PTPRM: variants seen among roughly 807,000 people sequenced by gnomAD.
PTPRM encodes protein tyrosine phosphatase receptor type M.
Under a neutral mutation model 186.7 loss-of-function variants are expected in PTPRM, and 47 were observed. The observed-to-expected ratio is 0.25, with a 90% CI of 0.20 to 0.32. The LOEUF is 0.32. PTPRM is among the 10% of genes least tolerant of loss of function. The probability of loss-of-function intolerance (pLI) is 1.00; values close to 1 mark genes in which losing one functional copy is unlikely to be tolerated. For synonymous variants in PTPRM, 668 were observed against 674.9 expected (o/e 0.99, Z 0.16); for missense variants, 1,494 against 1,865.0 (o/e 0.80, Z 3.66).
intron 1 of PTPRM, among the ~76,000 whole-genome samples, chr18:7,765,417 A>G (rs910685761): frequency 1.3e-5 from 2 of 152,222 alleles, no homozygotes; most frequent in Non-Finnish European, 2.9e-5. Flanking sequence ...TGTCTGATTC[A>G]CTAAACATCA....
At chr18:8,300,057 G>A (rs553257731) in intron 20 of PTPRM, among the ~76,000 whole-genome samples, 1 of 152,228 alleles carries the variant, frequency 6.6e-6, no homozygotes, top group South Asian at 2.1e-4. Context: ...TGTCAGAGGC[G>A]GGATGGGTTT....
intron 1 of PTPRM, among the ~76,000 whole-genome samples, chr18:7,633,055 G>A (rs908809381): frequency 6.6e-6 from 1 of 152,086 alleles, no homozygotes. Flanking sequence ...GCAGAAAAAC[G>A]GTAGAGCAAC....
intron 2 of PTPRM, among the ~76,000 whole-genome samples, chr18:7,832,091 A>T (rs2045790551): frequency 6.6e-6 from 1 of 152,278 alleles, no homozygotes; most frequent in Non-Finnish European, 1.5e-5. Flanking sequence ...CAAACATGGG[A>T]GTGCAGCTAT....
chr18:8,240,814 GAGAGAGAGAGAGAAAGAA>G lies in PTPRM; in HGVS notation c.2301-3240_2301-3223del, dbSNP rs1487092027. On this transcript the variant is annotated intron_variant, in intron 14 of 32. Coordinates refer to ENST00000580170, the MANE Select transcript of PTPRM (RefSeq NM_001105244.2). ...AGAGAGAGAGAGAGAGAGAGAGAGA[GAGAGAGAGAGAGAAAGAA>G]AGAAAGAAAGAAAAGAAAGAAAGAA... is the stretch of plus-strand genomic sequence containing the variant. Among the ~76,000 whole-genome samples, 77 of 39,828 alleles carry G rather than the reference GAGAGAGAGAGAGAAAGAA, an allele frequency of 1.9e-3. 1 individual carries two copies. Among genetic ancestry groups the G allele is most frequent in the African/African-American group, 4.3e-3 (30 of 6,906 alleles). The allele number at this position is 39,828 out of a possible 152,430, so 26.1% of individuals were successfully genotyped here. A position where few individuals can be genotyped will look rare whatever the true frequency, so the allele number is the denominator to read the frequency against.
intron 2 of PTPRM, among the ~76,000 whole-genome samples, chr18:7,855,905 G>A (rs2145986081): frequency 6.6e-6 from 1 of 152,324 alleles, no homozygotes; most frequent in East Asian, 1.9e-4. Flanking sequence ...GTATCCCACA[G>A]CAAGTAGGTC....
chr18:8,230,676 A>G (rs2147151513), intron 14 of PTPRM, among the ~76,000 whole-genome samples: 1 of 152,322 alleles, frequency 6.6e-6, no homozygotes, highest in South Asian at 2.1e-4. Flanking sequence ...GAAGCCCTAC[A>G]TAAATTTTTG....
At chr18:8,266,549 A>G (rs2094703135) in intron 19 of PTPRM, among the ~76,000 whole-genome samples, 1 of 152,206 alleles carries the variant, frequency 6.6e-6, no homozygotes, top group Non-Finnish European at 1.5e-5. Flanking sequence ...AAGAAAGGGA[A>G]TATGCTGACT....
At position 8,244,105 on chromosome 18, in the gene PTPRM, A is replaced by C; in HGVS notation, c.2348A>C (p.Glu783Ala). The C allele has an allele frequency of 6.2e-7, 1 of 1,609,732 alleles. No individual in the cohort carries two copies. Among genetic ancestry groups the C allele is most frequent in the Non-Finnish European group, 8.5e-7 (1 of 1,178,704 alleles). Residue 783 changes from glutamate (E) to alanine (A), a missense_variant, in exon 15 of 33, where the codon GAG becomes GCG. Glu to Ala is a moderately radical substitution (Grantham distance 107). Around this residue, in one of 3 missense-constraint regions of PTPRM, gnomAD observed 1,107 missense variants for 1,350.2 expected, o/e 0.82. Coordinates refer to ENST00000580170, the MANE Select transcript of PTPRM (RefSeq NM_001105244.2). Reference sequence around the variant, plus strand: ...GAGACCATGAGCAGCACCCGACAGGAGATGACTGTGATGGTGAACTCAATG... The same window carrying C: ...GAGACCATGAGCAGCACCCGACAGGCGATGACTGTGATGGTGAACTCAATG... The part of the protein sequence containing the change: ...RKETMSSTRQ[E>A]MTVMVNSMDK...
At chr18:7,637,186 AC>A (rs1367905943) in intron 1 of PTPRM, among the ~76,000 whole-genome samples, 14 of 151,310 alleles carry the variant, frequency 9.3e-5, no homozygotes, top group South Asian at 2.1e-4. Flanking sequence ...AAAAAAAAAA[AC>A]AGTGTAATTC....
chr18:8,214,058 A>G (rs548298028), intron 14 of PTPRM, among the ~76,000 whole-genome samples: 1 of 152,284 alleles, frequency 6.6e-6, no homozygotes, highest in African/African-American at 2.4e-5. Context: ...GAGCTAAGCT[A>G]TGGGTACGCA....
intron 13 of PTPRM, among the ~76,000 whole-genome samples, chr18:8,138,458 TGGGACATCCC>T (rs2092688946): frequency 6.6e-6 from 1 of 151,996 alleles, no homozygotes; most frequent in African/African-American, 2.4e-5. Context: ...ATGCCCAGCC[TGGGACATCCC>T]TCCCTTCCCT....
intron 1 of PTPRM, among the ~76,000 whole-genome samples, chr18:7,635,031 C>T (rs2038279939): frequency 6.6e-6 from 1 of 151,828 alleles, no homozygotes; most frequent in Non-Finnish European, 1.5e-5. Context: ...ATTTGTCCTA[C>T]CAGAAGCTCA....
At chr18:7,599,946 C>G (rs10502358) in intron 1 of PTPRM, among the ~76,000 whole-genome samples, 4,976 of 152,246 alleles carry the variant, frequency 0.033, 271 homozygotes, top group African/African-American at 0.11. Context: ...ATGCCTTTTA[C>G]CGTCTATCTG....
chr18:7,628,655 A>G (rs751012171), intron 1 of PTPRM, among the ~76,000 whole-genome samples: 7 of 152,302 alleles, frequency 4.6e-5, no homozygotes, highest in Non-Finnish European at 7.4e-5. Context: ...TAACATTTCA[A>G]TTCTAGTTTT....
At chr18:8,348,338 C>T (rs1246718931) in intron 23 of PTPRM, among the ~76,000 whole-genome samples, 3 of 152,232 alleles carry the variant, frequency 2.0e-5, no homozygotes, top group East Asian at 3.9e-4. Context: ...CCTTTCCTGT[C>T]GCAGCACCTG....
At chr18:8,344,430 ATGTG>A (rs143895566) in intron 23 of PTPRM, among the ~76,000 whole-genome samples, 6,593 of 110,620 alleles carry the variant, frequency 0.06, 299 homozygotes, top group East Asian at 0.17. Context: ...AGATATATAT[ATGTG>A]TGTGTGTGTG....
intron 1 of PTPRM, among the ~76,000 whole-genome samples, chr18:7,744,154 C>G (rs1247358893): frequency 6.6e-6 from 1 of 152,114 alleles, no homozygotes; most frequent in East Asian, 1.9e-4. Context: ...CCACATATCT[C>G]TACAGATTTG....
At chr18:8,009,961 C>A (rs1267484073) in intron 7 of PTPRM, among the ~76,000 whole-genome samples, 1 of 152,054 alleles carries the variant, frequency 6.6e-6, no homozygotes, top group African/African-American at 2.4e-5. Flanking sequence ...ACTTTACATT[C>A]CTACTAATAG....
chr18:8,164,905 G>A (rs1183409828), intron 14 of PTPRM, among the ~76,000 whole-genome samples: 1 of 15,942 alleles, frequency 6.3e-5, no homozygotes, highest in Non-Finnish European at 5.1e-3. Flanking sequence ...AGTGGCACAT[G>A]CCTAATCCCA....
Sources: gnomAD v4.1 joint callset for allele counts (sites outside exome capture counted in the v4.1 genomes callset) on GRCh38, gnomAD v4.1.1 for gene constraint, gnomAD v4.1.1 regional missense constraint, MANE v1.5 for transcripts, NCBI Gene and HGNC (gene_info 2026-07-23, HGNC 2026-07-21) for gene names.